WWOX: variants seen among roughly 807,000 people sequenced by gnomAD.
WWOX encodes WW domain containing oxidoreductase.
WWOX carries 69 observed loss-of-function variants against 46.2 expected under a neutral mutation model. The observed-to-expected ratio is 1.49, with a 90% CI of 1.23 to 1.82. The LOEUF (loss-of-function observed/expected upper bound fraction) is 1.82. WWOX is among the 40% of genes most tolerant of loss of function. WWOX has a pLI of 0.00. For missense variants in WWOX, 919 were observed against 542.6 expected (o/e 1.69, Z -6.89); for synonymous variants, 359 against 202.6 (o/e 1.77, Z -6.56).
chr16:78,176,481 G>A (rs2035350101), intron 5 of WWOX, among the ~76,000 whole-genome samples: 3 of 152,150 alleles, frequency 2.0e-5, no homozygotes. Context: ...TTATTTACCG[G>A]CAATTCTCAG....
At chr16:78,842,984 A>T (rs1351348644) in intron 8 of WWOX, among the ~76,000 whole-genome samples, 1 of 150,284 alleles carries the variant, frequency 6.7e-6, no homozygotes, top group African/African-American at 2.4e-5. Flanking sequence ...GCTTCACAGG[A>T]CTGGCAGGTG....
chr16:78,272,352 A>C (rs1161250774), intron 5 of WWOX, among the ~76,000 whole-genome samples: 1 of 152,170 alleles, frequency 6.6e-6, no homozygotes, highest in Non-Finnish European at 1.5e-5. Flanking sequence ...CCTTTCCTGC[A>C]TGGCAGATAT....
chr16:78,753,447 C>A (rs764053389), intron 8 of WWOX, among the ~76,000 whole-genome samples: 7 of 152,146 alleles, frequency 4.6e-5, no homozygotes, highest in South Asian at 2.1e-4. Flanking sequence ...TAAGATACTT[C>A]TCAGTTTTCT....
At chr16:78,525,864 G>T (rs2151505081) in intron 8 of WWOX, 1 of 147,620 alleles carries the variant, frequency 6.8e-6, no homozygotes, top group Non-Finnish European at 1.5e-5. Flanking sequence ...AAAAAAAAAG[G>T]GCAAGGGGAG....
chr16:79,032,169 T>C (rs149285271), intron 8 of WWOX, among the ~76,000 whole-genome samples: 9,909 of 145,346 alleles, frequency 0.068, 468 homozygotes, highest in African/African-American at 0.14. Flanking sequence ...AAAACTGTTT[T>C]CCTTTGTCAT....
At chr16:78,707,002 G>A (rs2048341211) in intron 8 of WWOX, among the ~76,000 whole-genome samples, 2 of 152,182 alleles carry the variant, frequency 1.3e-5, no homozygotes, top group South Asian at 2.1e-4. Context: ...TTGCCTAGTA[G>A]GCCTAAGGAG....
intron 8 of WWOX, among the ~76,000 whole-genome samples, chr16:79,076,260 T>C (rs1220755992): frequency 2.6e-5 from 4 of 152,226 alleles, no homozygotes; most frequent in African/African-American, 9.6e-5. Flanking sequence ...TTGCTCCCTT[T>C]ACAGAAATCT....
intron 8 of WWOX, among the ~76,000 whole-genome samples, chr16:78,438,908 C>A (rs1260833709): frequency 1.3e-5 from 2 of 152,090 alleles, no homozygotes; most frequent in African/African-American, 4.8e-5. Flanking sequence ...TTCGTGAAAG[C>A]CAAACGGGGT....
intron 8 of WWOX, among the ~76,000 whole-genome samples, chr16:78,723,583 T>TC (rs2048747133): frequency 1.3e-4 from 4 of 31,106 alleles, no homozygotes; most frequent in African/African-American, 7.7e-4. Flanking sequence ...TTTTCTTTTC[T>TC]TTTCTTTTCT....
chr16:78,977,547 G>T (rs1036554917), intron 8 of WWOX, among the ~76,000 whole-genome samples: 1 of 152,136 alleles, frequency 6.6e-6, no homozygotes, highest in Non-Finnish European at 1.5e-5. Context: ...TTGTCTGGGG[G>T]AGTCGCTTAA....
At chr16:78,278,786 A>G in intron 5 of WWOX, 1 of 833,026 alleles carries the variant, frequency 1.2e-6, no homozygotes, top group African/African-American at 1.7e-5. Context: ...ATTTGCAACA[A>G]CATCTATTAT....
intron 5 of WWOX, among the ~76,000 whole-genome samples, chr16:78,214,111 C>G (rs1026557083): frequency 3.3e-5 from 5 of 152,164 alleles, no homozygotes; most frequent in African/African-American, 1.2e-4. Flanking sequence ...TAGGGCTGGG[C>G]TCATGACTGG....
At chr16:78,619,978 T>C (rs989564549) in intron 8 of WWOX, among the ~76,000 whole-genome samples, 1 of 152,166 alleles carries the variant, frequency 6.6e-6, no homozygotes, top group African/African-American at 2.4e-5. Context: ...TCCTGTAGCA[T>C]GTGCACTACT....
intron 8 of WWOX, among the ~76,000 whole-genome samples, chr16:79,009,285 A>T (rs1191566123): frequency 6.6e-6 from 1 of 152,186 alleles, no homozygotes; most frequent in Non-Finnish European, 1.5e-5. Flanking sequence ...CTCTTTGCAG[A>T]TGAATGAAGG....
At chr16:78,711,748 A>G (rs534373462) in intron 8 of WWOX, among the ~76,000 whole-genome samples, 3 of 152,198 alleles carry the variant, frequency 2.0e-5, no homozygotes, top group South Asian at 2.1e-4. Context: ...GTGCTTTACT[A>G]TGAGTATTGA....
At chr16:78,887,279 C>G (rs1183031460) in intron 8 of WWOX, among the ~76,000 whole-genome samples, 1 of 151,954 alleles carries the variant, frequency 6.6e-6, no homozygotes, top group Non-Finnish European at 1.5e-5. Context: ...AGCAATTCCC[C>G]TGTGGATTTC....
In WWOX at chr16:79,212,179, C is replaced by A; in HGVS notation, c.*383C>A. 1 of 1,481,466 alleles carries A rather than the reference C, an allele frequency of 6.8e-7. No homozygotes were observed. Among genetic ancestry groups the A allele is most frequent in the Non-Finnish European group, 8.9e-7 (1 of 1,122,888 alleles). 91.8% of individuals were successfully genotyped at this position (1,481,466 alleles called of 1,614,324 possible). A position where few individuals can be genotyped will look rare whatever the true frequency, so the allele number is the denominator to read the frequency against. ...GCTACCACCACGGCCACCACTGCAG[C>A]CGGGGGCTGGCCTTCTCCTACTTAG... On this transcript the variant is annotated 3_prime_UTR_variant, in exon 9 of 9. Coordinates refer to ENST00000566780, the MANE Select transcript of WWOX (RefSeq NM_016373.4).
chr16:78,969,049 G>A (rs1220095482), intron 8 of WWOX, among the ~76,000 whole-genome samples: 1 of 152,076 alleles, frequency 6.6e-6, no homozygotes, highest in Non-Finnish European at 1.5e-5. Flanking sequence ...GGCTCCAGTG[G>A]CCCTTGTCTT....
At chr16:78,685,603 G>C (rs975182774) in intron 8 of WWOX, among the ~76,000 whole-genome samples, 1 of 152,238 alleles carries the variant, frequency 6.6e-6, no homozygotes, top group African/African-American at 2.4e-5. Flanking sequence ...TAACTGTTCT[G>C]TGTATATTTC....
Sources: allele counts gnomAD v4.1 joint callset (sites outside exome capture counted in the v4.1 genomes callset), GRCh38; gene constraint gnomAD v4.1.1; transcripts MANE v1.5; gene names NCBI Gene and HGNC (gene_info 2026-07-23, HGNC 2026-07-21).